The following REV3L variants were observed in gnomAD, a reference collection of about 807,000 sequenced individuals.
REV3L encodes the protein REV3 like, DNA directed polymerase zeta catalytic subunit, also known as DNA polymerase zeta catalytic subunit.
REV3L carries 69 observed loss-of-function variants against 299.4 expected under a neutral mutation model. The observed-to-expected ratio is 0.23, with a 90% CI of 0.19 to 0.28. REV3L has a LOEUF of 0.28. Among genes scored for constraint, REV3L ranks in the 10% least tolerant of loss-of-function variants. The probability of loss-of-function intolerance (pLI) is 1.00; values close to 1 mark genes in which losing one functional copy is unlikely to be tolerated. For missense variants in REV3L, 3,128 were observed against 3,693.8 expected (o/e 0.85, Z 3.97); for synonymous variants, 1,238 against 1,271.4 (o/e 0.97, Z 0.56).
intron 30 of REV3L, chr6:111,309,324 G>A (rs17511504): frequency 0.022 from 3,341 of 152,386 alleles, 53 homozygotes; most frequent in Middle Eastern, 0.037. Context: ...GAATCAGCAG[G>A]GAGATGGTTT....
At chr6:111,405,714 C>T in intron 3 of REV3L, 84 bp from the exon 4 acceptor site, 1 of 880,246 alleles carries the variant, frequency 1.1e-6, no homozygotes, top group Non-Finnish European at 1.7e-6. Flanking sequence ...ATATACAGAA[C>T]AAAGCACTTA....
chr6:111,452,008 T>C (rs551467521), intron 1 of REV3L, among the ~76,000 whole-genome samples: 1 of 152,206 alleles, frequency 6.6e-6, no homozygotes, highest in African/African-American at 2.4e-5. Flanking sequence ...TAAAGAACCC[T>C]TTCAACTCAA....
At chr6:111,465,173 C>T (rs894008624) in intron 1 of REV3L, among the ~76,000 whole-genome samples, 2 of 150,088 alleles carry the variant, frequency 1.3e-5, no homozygotes, top group African/African-American at 4.9e-5. Flanking sequence ...CTCTGCCTCC[C>T]GGGTTCAAGT....
At position 111,377,826 on chromosome 6, in the gene REV3L, G is replaced by A. The variant is rs1780461785; in HGVS notation, c.1472C>T (p.Thr491Ile). ...CAKKRSLCRN[T>I]HRSSTEDDDS... is the part of the protein sequence containing the mutation. Reference sequence around the variant, plus strand: ...ATCATCTTCAGTTGAACTTCTGTGGGTATTTCTGCACAGTGATCTGGAGAA... The same window carrying A: ...ATCATCTTCAGTTGAACTTCTGTGGATATTTCTGCACAGTGATCTGGAGAA... Residue 491 changes from threonine to isoleucine, a missense_variant, in exon 12 of 32, where the codon ACC (threonine) becomes ATC (isoleucine). Transcript: ENST00000368802. 1 of 1,612,068 alleles carries A rather than the reference G, an allele frequency of 6.2e-7. No individual in the cohort carries two copies. The highest frequency in any genetic ancestry group is 8.5e-7 in the Non-Finnish European group (1 of 1,179,244).
At chr6:111,381,720 A>C (rs986092231) in intron 9 of REV3L, among the ~76,000 whole-genome samples, 1 of 152,186 alleles carries the variant, frequency 6.6e-6, no homozygotes, top group African/African-American at 2.4e-5. Flanking sequence ...CTCTGATAAA[A>C]ATCACTGCAT....
intron 31 of REV3L, among the ~76,000 whole-genome samples, chr6:111,303,161 C>CTTT (rs1192743753): frequency 5.4e-4 from 30 of 55,522 alleles, no homozygotes; most frequent in South Asian, 2.9e-3. Flanking sequence ...GCTTTCTTTT[C>CTTT]TTTCTTTTTT....
At position 111,428,380 on chromosome 6, in the gene REV3L, C is replaced by A. The variant is rs80353741; in HGVS notation, c.140-11908G>T. On this transcript the variant is annotated intron_variant, in intron 1 of 31. Coordinates refer to ENST00000368802, the MANE Select transcript of REV3L (RefSeq NM_001372078.1). ...GGAGATCAAAATAATACAAAAAAAACCAAACAGAAATCGAAATTGAGAAAT... is the reference window on the plus strand; with the variant it reads ...GGAGATCAAAATAATACAAAAAAAAACAAACAGAAATCGAAATTGAGAAAT... Among the ~76,000 whole-genome samples, 504 of 151,948 alleles carry A rather than the reference C, an allele frequency of 3.3e-3. 1 individual carries two copies. The highest frequency in any genetic ancestry group is 8.7e-3 in the African/African-American group (359 of 41,462).
intron 3 of REV3L, among the ~76,000 whole-genome samples, 175 bp downstream of exon 3, chr6:111,411,305 A>G (rs1010268815): frequency 6.6e-6 from 1 of 152,098 alleles, no homozygotes; most frequent in Non-Finnish European, 1.5e-5. Flanking sequence ...CCACCTCTAA[A>G]ATATCCTTCA....
At chr6:111,423,614 C>A (rs555675343) in intron 1 of REV3L, among the ~76,000 whole-genome samples, 4 of 152,198 alleles carry the variant, frequency 2.6e-5, no homozygotes, top group Admixed American at 1.3e-4. Context: ...TGTACAGATT[C>A]GCATTTTATA....
chr6:111,422,588 AT>A lies in REV3L; in HGVS notation c.140-6117del, dbSNP rs1785516468. 2.3e-4 allele frequency among the ~76,000 whole-genome samples: 7 copies of A among 30,828 alleles called. 1 individual carries two copies. The highest frequency in any genetic ancestry group is 3.5e-4 in the Non-Finnish European group (4 of 11,484). 20.2% of individuals were successfully genotyped at this position (30,828 alleles called of 152,430 possible). A position where few individuals can be genotyped will look rare whatever the true frequency, so the allele number is the denominator to read the frequency against. On this transcript the variant is annotated intron_variant, in intron 1 of 31. Transcript: ENST00000368802. Reference sequence around the variant, plus strand: ...TTTATATATATATACACATATATATATATATACACATATATATATATATACA... The same window carrying A: ...TTTATATATATATACACATATATATAATATACACATATATATATATATACA...
intron 21 of REV3L, among the ~76,000 whole-genome samples, chr6:111,340,228 T>G (rs1277024159): frequency 3.3e-5 from 5 of 152,190 alleles, no homozygotes; most frequent in African/African-American, 1.2e-4. Flanking sequence ...TACAGAACTC[T>G]GCTCCCAGGA....
chr6:111,478,862 A>T (rs1793266034), intron 1 of REV3L, among the ~76,000 whole-genome samples: 2 of 152,188 alleles, frequency 1.3e-5, no homozygotes. Context: ...AGTAATCTTA[A>T]AGACAAGCAG....
intron 20 of REV3L, 135 bp downstream of exon 20, chr6:111,349,079 TTTTA>T (rs1246488192): frequency 5.7e-6 from 3 of 530,712 alleles, no homozygotes; most frequent in Non-Finnish European, 9.9e-6. Flanking sequence ...GAAAGTACTA[TTTTA>T]ACTCTACTTA....
Position 111,456,262 on chromosome 6 carries a change from G to A in REV3L, c.139+26488C>T, listed in dbSNP as rs368809627. ...AATTCCTTGTTTCTGTTCTACAACT[G>A]CAAGAGGAGTGCCAGAAAGAGTTAA... On this transcript the variant is annotated intron_variant, in intron 1 of 31. Coordinates refer to ENST00000368802, the MANE Select transcript of REV3L (RefSeq NM_001372078.1). 1.2e-4 allele frequency among the ~76,000 whole-genome samples: 19 copies of A among 152,238 alleles called. No homozygotes were observed. The East Asian group carries it at 3.7e-3, about 29-fold the overall frequency.
chr6:111,470,816 C>A (rs536617590), intron 1 of REV3L, among the ~76,000 whole-genome samples: 1 of 152,002 alleles, frequency 6.6e-6, no homozygotes, highest in Non-Finnish European at 1.5e-5. Context: ...TCCATCTCTA[C>A]TAAAAATACA....
chr6:111,397,942 C>A (rs981205791), intron 4 of REV3L, among the ~76,000 whole-genome samples: 1 of 151,556 alleles, frequency 6.6e-6, no homozygotes, highest in African/African-American at 2.4e-5. Context: ...AAGTTTAAAT[C>A]CAATGTTTCT....
At chr6:111,382,784 C>A (rs919995469) in intron 9 of REV3L, among the ~76,000 whole-genome samples, 1 of 151,506 alleles carries the variant, frequency 6.6e-6, no homozygotes, top group African/African-American at 2.4e-5. Context: ...ATTTGTGTCA[C>A]CCCCCCTCCC....
chr6:111,308,745 T>C (rs769232456), intron 30 of REV3L, among the ~76,000 whole-genome samples: 6 of 152,238 alleles, frequency 3.9e-5, no homozygotes, highest in Non-Finnish European at 8.8e-5. Context: ...AACTGGCTTA[T>C]TCTACGTTAT....
At chr6:111,335,778 AT>A (rs1388910383) in intron 21 of REV3L, among the ~76,000 whole-genome samples, 168 bp from the exon 22 acceptor site, 1 of 152,202 alleles carries the variant, frequency 6.6e-6, no homozygotes, top group African/African-American at 2.4e-5. Context: ...ACATTAGAAA[AT>A]TTTAGGTATT....
Sources: gnomAD v4.1 joint callset for allele counts (sites outside exome capture counted in the v4.1 genomes callset) on GRCh38, gnomAD v4.1.1 for gene constraint, MANE v1.5 for transcripts, NCBI Gene and HGNC (gene_info 2026-07-23, HGNC 2026-07-21) for gene names.